The following SLC28A3 variants were observed in gnomAD, a reference collection of about 807,000 sequenced individuals.
The protein encoded by SLC28A3 is solute carrier family 28 member 3.
Under a neutral mutation model 84.2 loss-of-function variants are expected in SLC28A3, and 68 were observed. The ratio of observed to expected loss-of-function variants is 0.81; its 90% CI spans 0.66 to 0.99. SLC28A3 has a LOEUF of 0.99. Ranked by LOEUF, SLC28A3 falls within the 50% of genes least tolerant of loss-of-function variation. The pLI, the probability that SLC28A3 is intolerant of heterozygous loss-of-function variation, is 0.00. For synonymous variants in SLC28A3, 267 were observed against 303.6 expected (o/e 0.88, Z 1.25); for missense variants, 712 against 841.5 (o/e 0.85, Z 1.90).
At chr9:84,319,612 T>C (rs895202578) in intron 1 of SLC28A3, among the ~76,000 whole-genome samples, 2 of 152,206 alleles carry the variant, frequency 1.3e-5, no homozygotes, top group African/African-American at 4.8e-5. Context: ...TTCACTCTTA[T>C]TGTTGCTTTT....
At chr9:84,320,049 T>TTTG (rs1826317163) in intron 1 of SLC28A3, among the ~76,000 whole-genome samples, 3 of 130,216 alleles carry the variant, frequency 2.3e-5, no homozygotes, top group African/African-American at 9.4e-5. Context: ...TGTTTTTTTT[T>TTTG]TTTTTTTTTT....
upstream of SLC28A3, chr9:84,340,788 C>A: frequency 1.5e-6 from 1 of 688,130 alleles, no homozygotes. Context: ...TCCTGAATGA[C>A]TAGGGCTGAC....
chr9:84,350,614 A>G, the SLC28A3 span, among the ~76,000 whole-genome samples: 1 of 152,208 alleles, frequency 6.6e-6, no homozygotes, highest in Non-Finnish European at 1.5e-5. Flanking sequence ...CTAGGGCATT[A>G]CTGTTCAATA....
chr9:84,294,613 T>G (rs1337192217), intron 8 of SLC28A3, among the ~76,000 whole-genome samples: 1 of 152,182 alleles, frequency 6.6e-6, no homozygotes, highest in Admixed American at 6.5e-5. Context: ...TCACCACTAG[T>G]TAGCAGAGTA....
upstream of SLC28A3, among the ~76,000 whole-genome samples, chr9:84,344,293 A>T (rs1205574618): frequency 6.8e-6 from 1 of 146,516 alleles, no homozygotes; most frequent in East Asian, 2.1e-4. Flanking sequence ...GGTTCAAGTG[A>T]TTCTCCTGCC....
chr9:84,329,085 A>G (rs1175801200), intron 1 of SLC28A3, among the ~76,000 whole-genome samples: 1 of 152,250 alleles, frequency 6.6e-6, no homozygotes, highest in Non-Finnish European at 1.5e-5. Context: ...TTGAGTGGCA[A>G]TAATATCAGA....
At chr9:84,321,050 A>G (rs1214847507) in intron 1 of SLC28A3, among the ~76,000 whole-genome samples, 1 of 152,126 alleles carries the variant, frequency 6.6e-6, no homozygotes, top group Non-Finnish European at 1.5e-5. Context: ...GCTAAAGACT[A>G]CTAAAAAGTT....
the SLC28A3 span, among the ~76,000 whole-genome samples, chr9:84,363,746 T>G: frequency 0.044 from 6,657 of 151,484 alleles, 205 homozygotes; most frequent in African/African-American, 0.09. Flanking sequence ...AAATTGCACA[T>G]GTGATTAACA....
chr9:84,305,429 G>A, intron 3 of SLC28A3, 84 bp from the exon 4 acceptor site: 1 of 1,140,696 alleles, frequency 8.8e-7, no homozygotes, highest in Non-Finnish European at 1.3e-6. Flanking sequence ...ATTAAGCTTT[G>A]TAAACTAAGA....
chr9:84,367,937 T>C, the SLC28A3 span, among the ~76,000 whole-genome samples: 4 of 152,160 alleles, frequency 2.6e-5, no homozygotes, highest in Non-Finnish European at 5.9e-5. Flanking sequence ...CTCAGGGACA[T>C]GCGGGAAACA....
chr9:84,363,171 C>A, the SLC28A3 span, among the ~76,000 whole-genome samples: 1 of 150,660 alleles, frequency 6.6e-6, no homozygotes, highest in Non-Finnish European at 1.5e-5. Flanking sequence ...ATGATGAAAT[C>A]TACTAGTATG....
intron 12 of SLC28A3, among the ~76,000 whole-genome samples, chr9:84,286,614 T>TA (rs781361452): frequency 3.9e-5 from 6 of 152,096 alleles, no homozygotes; most frequent in South Asian, 2.1e-4. Flanking sequence ...TGGAAAATGA[T>TA]AAAAAATTAC....
At chr9:84,357,734 C>T in the SLC28A3 span, among the ~76,000 whole-genome samples, 5 of 152,072 alleles carry the variant, frequency 3.3e-5, no homozygotes, top group African/African-American at 1.2e-4. Context: ...TCTGTAAGGG[C>T]CTAAAATAGC....
chr9:84,289,891 C>G (rs1404678963), intron 11 of SLC28A3: 1 of 269,504 alleles, frequency 3.7e-6, no homozygotes, highest in East Asian at 7.0e-5. Context: ...AAATTTTCAA[C>G]CAAAGCAACT....
At chr9:84,305,202 GAAAAA>G in intron 4 of SLC28A3, 47 bp downstream of exon 4, 32 of 1,165,344 alleles carry the variant, frequency 2.7e-5, no homozygotes, top group South Asian at 5.7e-5. Context: ...GGGAATCCCT[GAAAAA>G]AAAAAAAAAA....
chr9:84,349,027 G>A, the SLC28A3 span, among the ~76,000 whole-genome samples: 1 of 151,952 alleles, frequency 6.6e-6, no homozygotes, highest in East Asian at 1.9e-4. Flanking sequence ...AGTGTGAAGA[G>A]ACCACCAAAC....
chr9:84,354,810 G>A, the SLC28A3 span, among the ~76,000 whole-genome samples: 2 of 150,420 alleles, frequency 1.3e-5, no homozygotes, highest in East Asian at 3.9e-4. Context: ...TCGTGCCACT[G>A]CACACCAGCC....
At chr9:84,348,759 A>G in the SLC28A3 span, among the ~76,000 whole-genome samples, 5 of 152,290 alleles carry the variant, frequency 3.3e-5, no homozygotes, top group African/African-American at 1.2e-4. Context: ...GTTCCTGATA[A>G]AAAGGATGAG....
the SLC28A3 span, among the ~76,000 whole-genome samples, chr9:84,349,598 A>G: frequency 4.6e-5 from 7 of 152,310 alleles, no homozygotes; most frequent in East Asian, 9.6e-4. Context: ...AAAACAGACT[A>G]AGACAGCATC....
Sources: allele counts gnomAD v4.1 joint callset (sites outside exome capture counted in the v4.1 genomes callset), GRCh38; gene constraint gnomAD v4.1.1; transcripts MANE v1.5; gene names NCBI Gene and HGNC (gene_info 2026-07-23, HGNC 2026-07-21).